Variants in FAM135A observed in about 807,000 individuals in gnomAD.
The protein encoded by FAM135A is family with sequence similarity 135 member A, also known as protein FAM135A.
Under a neutral mutation model 146.8 loss-of-function variants are expected in FAM135A, and 79 were observed. The observed-to-expected ratio is 0.54, with a 90% confidence interval of 0.45 to 0.65. The LOEUF (loss-of-function observed/expected upper bound fraction) is 0.65, where lower values mean the gene tolerates loss of function less well. Among genes scored for constraint, FAM135A ranks in the 30% least tolerant of loss-of-function variants. FAM135A has a pLI of 0.00. For missense variants in FAM135A, 1,623 were observed against 1,758.2 expected, an observed-to-expected ratio of 0.92 and a Z score of 1.38; for synonymous variants, 562 against 603.6, an observed-to-expected ratio of 0.93 and a Z score of 1.01.
At chr6:70,470,177 A>G (rs1011658066) in intron 5 of FAM135A, among the ~76,000 whole-genome samples, 1 of 152,212 alleles carries the variant, frequency 6.6e-6, no homozygotes, top group Non-Finnish European at 1.5e-5. Flanking sequence ...TATATGGGCT[A>G]AAGTCTGATT....
chr6:70,475,347 G>T, intron 5 of FAM135A, 63 bp from the exon 6 acceptor site: 1 of 1,309,120 alleles, frequency 7.6e-7, no homozygotes, highest in Non-Finnish European at 1.0e-6. Context: ...TAAAGTACAA[G>T]TGTTAATTTG....
intron 12 of FAM135A, among the ~76,000 whole-genome samples, chr6:70,509,279 A>C (rs146701299): frequency 7.2e-5 from 11 of 152,276 alleles, no homozygotes; most frequent in Admixed American, 7.2e-4. Flanking sequence ...ATTAAAAAAA[A>C]AATTATGTCT....
At chr6:70,503,835 T>C (rs1789125774) in intron 12 of FAM135A, 1 of 152,246 alleles carries the variant, frequency 6.6e-6, no homozygotes, top group Admixed American at 6.5e-5. Flanking sequence ...GATTGTTCAT[T>C]ATCATTGCTG....
chr6:70,516,440 C>A (rs903710619), intron 12 of FAM135A, among the ~76,000 whole-genome samples: 1 of 151,790 alleles, frequency 6.6e-6, no homozygotes, highest in Non-Finnish European at 1.5e-5. Context: ...TAATGTGGAC[C>A]CATTACCTTC....
chr6:70,430,845 GC>G (rs1771424948), intron 4 of FAM135A, among the ~76,000 whole-genome samples: 1 of 152,124 alleles, frequency 6.6e-6, no homozygotes, highest in South Asian at 2.1e-4. Context: ...TCTAGATTCT[GC>G]TTATAAAATG....
chr6:70,413,869 C>G, intron 1 of FAM135A, 167 bp downstream of exon 1: 1 of 985,464 alleles, frequency 1.0e-6, no homozygotes, highest in Non-Finnish European at 1.2e-6. Context: ...TGGCCCCGGC[C>G]CCGTTGAAGG....
At chr6:70,558,508 G>T (rs1475294764) in intron 21 of FAM135A, among the ~76,000 whole-genome samples, 1 of 152,124 alleles carries the variant, frequency 6.6e-6, no homozygotes, top group Non-Finnish European at 1.5e-5. Context: ...TAAATCCATT[G>T]TAAGAATTAG....
chr6:70,552,993 A>G (rs1800128065), intron 20 of FAM135A, among the ~76,000 whole-genome samples: 1 of 152,186 alleles, frequency 6.6e-6, no homozygotes, highest in African/African-American at 2.4e-5. Context: ...AAATTAGTAA[A>G]ATATTTTACA....
intron 5 of FAM135A, among the ~76,000 whole-genome samples, chr6:70,464,658 C>CTTTCT (rs1460241786): frequency 7.6e-4 from 76 of 100,408 alleles, no homozygotes; most frequent in African/African-American, 2.6e-3. Context: ...TTCTTTCTTT[C>CTTTCT]TTTTTTTTCT....
rs1027873402 is a variant in FAM135A at position 70,525,330 on chromosome 6, G to C, written c.2246G>C (p.Ser749Thr). 1.2e-5 allele frequency: 19 copies of C among 1,612,916 alleles called. No individual in the cohort carries two copies. The African/African-American group carries it at 2.5e-4, about 22-fold the overall frequency. Residue 749 changes from serine to threonine, a missense_variant, in exon 15 of 22, where the codon AGT becomes ACT. By Grantham distance (58) the Ser-to-Thr change is moderately conservative (BLOSUM62 1). Around this residue, in one of 7 missense-constraint regions of FAM135A, gnomAD observed 1,061 missense variants for 1,113.8 expected, o/e 0.95. Transcript: ENST00000418814. ...ACAAAAGAATATCATGTTGTAGTAA[G>C]TGGAGATACAATTAAGTTACCAGAT... ...PSTKEYHVVVSGDTIKLPDIS... is the reference protein window; with the variant it reads ...PSTKEYHVVVTGDTIKLPDIS...
intron 2 of FAM135A, among the ~76,000 whole-genome samples, chr6:70,423,845 T>G (rs952849012): frequency 1.3e-5 from 2 of 152,166 alleles, no homozygotes; most frequent in Admixed American, 1.3e-4. Context: ...TTAGTTGCAT[T>G]AATCCAAGCT....
intron 4 of FAM135A, among the ~76,000 whole-genome samples, chr6:70,441,083 A>G (rs183164663): frequency 2.6e-5 from 4 of 152,108 alleles, no homozygotes; most frequent in East Asian, 1.9e-4. Context: ...GATTTTCAAC[A>G]TATTTGCTGA....
In FAM135A at chr6:70,526,454, G is replaced by A; in HGVS notation, c.3370G>A (p.Glu1124Lys). Residue 1124 changes from glutamate to lysine, a missense_variant, in exon 15 of 22, where the codon GAA becomes AAA. Transcript: ENST00000418814. Reference sequence around the variant, plus strand: ...CTATACAAGCAGAGATGAACTAATGGAAGAAAGACTTACAAAATCTGAAAA... The same window carrying A: ...CTATACAAGCAGAGATGAACTAATGAAAGAAAGACTTACAAAATCTGAAAA... ...AHYTSRDELM[E>K]ERLTKSEKIN... 4 of 1,613,356 alleles carry A rather than the reference G, an allele frequency of 2.5e-6. No homozygotes were observed. Among genetic ancestry groups the A allele is most frequent in the Non-Finnish European group, 3.4e-6 (4 of 1,179,578 alleles).
chr6:70,414,256 C>T (rs1359470140), intron 1 of FAM135A, among the ~76,000 whole-genome samples: 2 of 152,098 alleles, frequency 1.3e-5, no homozygotes, highest in Non-Finnish European at 2.9e-5. Context: ...GTTTTATTTT[C>T]CTCTCATCCA....
chr6:70,553,700 A>AAAAAAG (rs200835400), intron 20 of FAM135A, among the ~76,000 whole-genome samples: 1 of 151,924 alleles, frequency 6.6e-6, no homozygotes, highest in African/African-American at 2.4e-5. Flanking sequence ...TTTTTTAAAA[A>AAAAAAG]GAAGCAGATA....
At chr6:70,497,300 C>G (rs774077731) in intron 11 of FAM135A, among the ~76,000 whole-genome samples, 1 of 151,848 alleles carries the variant, frequency 6.6e-6, no homozygotes, top group Non-Finnish European at 1.5e-5. Context: ...GGCTCTCTGT[C>G]TATTATTGGT....
rs536245838 is a variant in FAM135A at position 70,524,703 on chromosome 6, G to C, written c.1619G>C (p.Gly540Ala). Residue 540 changes from glycine (G) to alanine (A), a missense_variant, in exon 15 of 22, where the codon GGC becomes GCC. This residue lies in a region of FAM135A where 1,061 missense variants were observed against 1,113.8 expected (regional missense o/e 0.95). Transcript: ENST00000418814. ...ASNDLIKCFE[G>A]NPSHSQKEGL... ...AATGATCTCATTAAATGCTTTGAAG[G>C]CAATCCTTCACATAGTCAGAAGGAA... 10 of 1,550,304 alleles carry C rather than the reference G, an allele frequency of 6.5e-6. No individual in the cohort carries two copies. In the African/African-American group the frequency reaches 1.4e-4, roughly 21 times the overall value.
intron 16 of FAM135A, among the ~76,000 whole-genome samples, 174 bp from the exon 17 acceptor site, chr6:70,532,986 G>T (rs541171119): frequency 1.1e-4 from 16 of 152,048 alleles, no homozygotes; most frequent in African/African-American, 3.4e-4. Flanking sequence ...ACATTGCCTG[G>T]CTAATAGAAA....
chr6:70,490,568 T>C (rs904815408), intron 10 of FAM135A, among the ~76,000 whole-genome samples: 2 of 152,046 alleles, frequency 1.3e-5, no homozygotes, highest in African/African-American at 2.4e-5. Flanking sequence ...TTTTATTAAA[T>C]AGCCTACACA....
Sources: allele counts gnomAD v4.1 joint callset (sites outside exome capture counted in the v4.1 genomes callset), GRCh38; gene constraint gnomAD v4.1.1; regional missense constraint gnomAD v4.1.1; transcripts MANE v1.5; gene names NCBI Gene and HGNC (gene_info 2026-07-23, HGNC 2026-07-21).